The following VWA8 variants were observed in gnomAD, a reference collection of about 807,000 sequenced individuals.
VWA8 encodes the protein von Willebrand factor A domain-containing protein 8.
VWA8 carries 221 observed loss-of-function variants against 241.5 expected under a neutral mutation model. The observed-to-expected ratio is 0.91, with a 90% CI of 0.82 to 1.02. The LOEUF (loss-of-function observed/expected upper bound fraction) is 1.02, where lower values mean the gene tolerates loss of function less well. VWA8 is among the 50% of genes least tolerant of loss of function. The pLI, the probability that VWA8 is intolerant of heterozygous loss-of-function variation, is 0.00. For missense variants in VWA8, 2,322 were observed against 2,328.7 expected (o/e 1.00, Z 0.06); for synonymous variants, 852 against 827.1 (o/e 1.03, Z -0.52).
chr13:41,831,174 G>A (rs1871436367), intron 13 of VWA8, among the ~76,000 whole-genome samples: 1 of 152,152 alleles, frequency 6.6e-6, no homozygotes, highest in African/African-American at 2.4e-5. Flanking sequence ...ATGTTGCAAT[G>A]GCTGAAAAGC....
At chr13:41,756,374 T>C (rs1212581782) in intron 21 of VWA8, among the ~76,000 whole-genome samples, 2 of 151,802 alleles carry the variant, frequency 1.3e-5, no homozygotes, top group East Asian at 3.9e-4. Context: ...AAAATTAGAA[T>C]TGACTGAGGC....
chr13:41,811,367 AAG>A (rs777540246), intron 16 of VWA8, 27 bp from the exon 17 acceptor site: 4 of 1,569,418 alleles, frequency 2.5e-6, no homozygotes, highest in Non-Finnish European at 3.5e-6. Flanking sequence ...ACATTGTGTT[AAG>A]AGTCTTGTTT....
intron 8 of VWA8, among the ~76,000 whole-genome samples, chr13:41,885,651 T>C (rs1874490252): frequency 1.3e-5 from 2 of 152,210 alleles, no homozygotes; most frequent in Admixed American, 1.3e-4. Context: ...ACCTCTTACT[T>C]GATCAGGCTA....
chr13:41,781,875 GAT>G (rs1868901705), intron 19 of VWA8, among the ~76,000 whole-genome samples: 1 of 152,312 alleles, frequency 6.6e-6, no homozygotes, highest in South Asian at 2.1e-4. Flanking sequence ...GTGCCTTAGT[GAT>G]ATGGAAAACA....
chr13:41,775,277 T>C (rs1868540310), intron 20 of VWA8, among the ~76,000 whole-genome samples: 1 of 152,184 alleles, frequency 6.6e-6, no homozygotes, highest in Admixed American at 6.5e-5. Context: ...CTGATGGTCT[T>C]AGAGGTTTAT....
chr13:41,933,739 G>C (rs1325825349), intron 2 of VWA8, among the ~76,000 whole-genome samples: 7 of 151,898 alleles, frequency 4.6e-5, no homozygotes, highest in African/African-American at 1.7e-4. Context: ...AAATGGAGCT[G>C]AAATAACTGG....
chr13:41,953,463 C>T (rs563106990), intron 1 of VWA8, among the ~76,000 whole-genome samples: 3 of 152,174 alleles, frequency 2.0e-5, no homozygotes, highest in Non-Finnish European at 2.9e-5. Flanking sequence ...GCACATGGAA[C>T]ATTCACCAAA....
At chr13:41,918,881 T>C (rs1876381267) in intron 2 of VWA8, among the ~76,000 whole-genome samples, 1 of 152,102 alleles carries the variant, frequency 6.6e-6, no homozygotes. Context: ...ATACAAAGTG[T>C]GTTCTCCGAC....
intron 17 of VWA8, 52 bp downstream of exon 17, chr13:41,811,173 A>G: frequency 4.9e-6 from 7 of 1,442,708 alleles, no homozygotes; most frequent in Non-Finnish European, 6.8e-6. Flanking sequence ...CTTATCTTAT[A>G]GTTTTAGTGA....
intron 36 of VWA8, among the ~76,000 whole-genome samples, chr13:41,674,113 C>T (rs952536493): frequency 3.9e-5 from 6 of 152,100 alleles, no homozygotes; most frequent in Non-Finnish European, 7.3e-5. Flanking sequence ...AGAAGTCATA[C>T]TTATATATGT....
At chr13:41,733,003 G>A (rs374850813) in intron 21 of VWA8, among the ~76,000 whole-genome samples, 2 of 152,144 alleles carry the variant, frequency 1.3e-5, no homozygotes, top group South Asian at 2.1e-4. Flanking sequence ...TATAAGTAGC[G>A]TCTTTGAAGA....
intron 9 of VWA8, among the ~76,000 whole-genome samples, chr13:41,872,425 T>C (rs1246669816): frequency 6.6e-6 from 1 of 152,216 alleles, no homozygotes; most frequent in Non-Finnish European, 1.5e-5. Flanking sequence ...TCTTCTAGGG[T>C]TTTTATGGTT....
chr13:41,928,134 A>AG (rs1207605100), intron 2 of VWA8, among the ~76,000 whole-genome samples: 1 of 152,230 alleles, frequency 6.6e-6, no homozygotes, highest in Non-Finnish European at 1.5e-5. Flanking sequence ...GAAGAGATAA[A>AG]GAGCAATACA....
intron 9 of VWA8, among the ~76,000 whole-genome samples, chr13:41,877,739 C>T (rs1873966719): frequency 6.6e-6 from 1 of 152,020 alleles, no homozygotes; most frequent in East Asian, 1.9e-4. Context: ...GACCAAGAGC[C>T]AAGACACGTT....
At chr13:41,921,357 A>G (rs1448737439) in intron 2 of VWA8, among the ~76,000 whole-genome samples, 3 of 152,214 alleles carry the variant, frequency 2.0e-5, no homozygotes, top group South Asian at 2.1e-4. Flanking sequence ...AACTGGAAGC[A>G]TTCCCTTTGA....
chr13:41,883,419 C>G lies in VWA8; in HGVS notation c.1048G>C (p.Glu350Gln), dbSNP rs1345638924. 1.9e-6 allele frequency: 3 copies of G among 1,613,478 alleles called. No homozygotes were observed. Among genetic ancestry groups the G allele is most frequent in the African/African-American group, 2.7e-5 (2 of 74,902 alleles). The change falls in exon 9 of 45, where the codon GAA becomes CAA. Residue 350 changes from glutamate to glutamine, a missense_variant. Glu to Gln is a conservative substitution (Grantham distance 29, BLOSUM62 2). Transcript: ENST00000379310. ...ACACCTTCCACAGCCATCTTCCCTT[C>G]ATGACCTAGTAAAATACTATATGGA... Reference protein sequence around the residue: ...LYPYSILLGHEGKMAVEGVLK... With the variant: ...LYPYSILLGHQGKMAVEGVLK...
In VWA8 at chr13:41,575,746, A is replaced by G; in HGVS notation, c.5364T>C (p.Ile1788=). 1 of 1,611,232 alleles carries G rather than the reference A, an allele frequency of 6.2e-7. No individual in the cohort carries two copies. The highest frequency in any genetic ancestry group is 1.1e-5 in the South Asian group (1 of 90,786). ...GGTAATAAAATATATTTACCTTCAG[A>G]ATTTCTAGTCTTTGCTTATTGTCCT... is the stretch of plus-strand genomic sequence containing the variant. ...IPKDNKQRLE[I]LKTMHAHSQF... is the part of the protein sequence containing the mutation. Residue 1788 remains isoleucine (I), a synonymous_variant, in exon 43 of 45, where the codon ATT becomes ATC. Coordinates refer to ENST00000379310, the MANE Select transcript of VWA8 (RefSeq NM_015058.2).
chr13:41,770,901 C>CAAAAAAAAA (rs71096541), intron 20 of VWA8, among the ~76,000 whole-genome samples: 15 of 98,360 alleles, frequency 1.5e-4, no homozygotes, highest in East Asian at 2.9e-4. Context: ...CTTAAAATGA[C>CAAAAAAAAA]AAAAAAAAAA....
Position 41,811,310 on chromosome 13 carries a change from T to G in VWA8, c.1978A>C (p.Arg660=), listed in dbSNP as rs9562353. The stretch of plus-strand genomic sequence containing the variant: ...CGACGAGAAATTCGCAACAGTTGTC[T>G]GGTAGAAAGTGATGCCGCTAATGAT... ...AQSLAASLST[R]QLLRISRRLS... Residue 660 remains arginine, a synonymous_variant, in exon 17 of 45, where the codon AGA becomes CGA. Transcript: ENST00000379310. The G allele has an allele frequency of 6.2e-7, 1 of 1,610,140 alleles. No individual in the cohort carries two copies. The highest frequency in any genetic ancestry group is 1.3e-5 in the African/African-American group (1 of 74,822).
Sources: gnomAD v4.1 joint callset for allele counts (sites outside exome capture counted in the v4.1 genomes callset) on GRCh38, gnomAD v4.1.1 for gene constraint, MANE v1.5 for transcripts, NCBI Gene and HGNC (gene_info 2026-07-23, HGNC 2026-07-21) for gene names.